Variants in CHN2 observed in about 807,000 individuals in gnomAD.
CHN2 encodes beta-chimaerin.
Under a neutral mutation model 56.3 loss-of-function variants are expected in CHN2, and 35 were observed. The ratio of observed to expected loss-of-function variants is 0.62; its 90% CI spans 0.47 to 0.82. The LOEUF is 0.82. CHN2 is among the 40% of genes least tolerant of loss of function. The pLI is 0.00. For missense variants in CHN2, 491 were observed against 580.5 expected (o/e 0.85, Z 1.58); for synonymous variants, 210 against 212.8 (o/e 0.99, Z 0.12).
intron 2 of CHN2, among the ~76,000 whole-genome samples, chr7:29,176,168 A>C (rs1797305928): frequency 6.6e-6 from 1 of 151,752 alleles, no homozygotes; most frequent in African/African-American, 2.4e-5. Flanking sequence ...CCTAGGCGAC[A>C]GAGCAAGACT....
chr7:29,417,186 A>G (rs1268767563), intron 6 of CHN2, among the ~76,000 whole-genome samples: 2 of 152,216 alleles, frequency 1.3e-5, no homozygotes, highest in Non-Finnish European at 2.9e-5. Context: ...GACTTGCTGC[A>G]GCAAATGGGC....
chr7:29,477,167 C>T (rs1334456718), intron 6 of CHN2, among the ~76,000 whole-genome samples: 1 of 152,044 alleles, frequency 6.6e-6, no homozygotes, highest in Non-Finnish European at 1.5e-5. Flanking sequence ...CTGAGGTCAC[C>T]CACACTGCTC....
chr7:29,301,260 C>T (rs1244675059), intron 1 of CHN2, among the ~76,000 whole-genome samples: 2 of 151,848 alleles, frequency 1.3e-5, no homozygotes, highest in African/African-American at 4.8e-5. Flanking sequence ...GTTTTTCTAG[C>T]AGTTCCTACT....
intron 1 of CHN2, among the ~76,000 whole-genome samples, chr7:29,306,870 T>C (rs990042560): frequency 6.6e-6 from 1 of 152,246 alleles, no homozygotes; most frequent in Non-Finnish European, 1.5e-5. Context: ...GCCAGATTCC[T>C]GTCCTCTAAC....
chr7:29,394,256 T>G (rs1393689007), intron 4 of CHN2, among the ~76,000 whole-genome samples: 2 of 152,230 alleles, frequency 1.3e-5, no homozygotes, highest in Non-Finnish European at 2.9e-5. Flanking sequence ...TTTGTTTCAC[T>G]TTTTCCAAAA....
intron 1 of CHN2, among the ~76,000 whole-genome samples, chr7:29,333,930 C>T (rs1411847572): frequency 6.6e-6 from 1 of 152,116 alleles, no homozygotes; most frequent in Non-Finnish European, 1.5e-5. Context: ...GCATGGAGTC[C>T]TGCAGTTCTG....
At chr7:29,230,541 A>G (rs752254899) in intron 1 of CHN2, among the ~76,000 whole-genome samples, 1 of 152,164 alleles carries the variant, frequency 6.6e-6, no homozygotes, top group Non-Finnish European at 1.5e-5. Context: ...GAGTTTCACC[A>G]TGTTGGCCAG....
At chr7:29,353,359 A>T (rs1461093750) in intron 1 of CHN2, among the ~76,000 whole-genome samples, 1 of 152,266 alleles carries the variant, frequency 6.6e-6, no homozygotes, top group South Asian at 2.1e-4. Context: ...GAATGAGTTC[A>T]GAAAAGTCTA....
At chr7:29,486,214 A>G (rs1228810044) in intron 7 of CHN2, among the ~76,000 whole-genome samples, 1 of 152,178 alleles carries the variant, frequency 6.6e-6, no homozygotes, top group Non-Finnish European at 1.5e-5. Context: ...CAGAAACCCC[A>G]GTGTCTAGAA....
intron 1 of CHN2, among the ~76,000 whole-genome samples, chr7:29,217,981 C>T (rs888384485): frequency 1.3e-5 from 2 of 151,998 alleles, no homozygotes; most frequent in Non-Finnish European, 2.9e-5. Flanking sequence ...AAGACATTCA[C>T]TTTTGCTTAA....
At chr7:29,319,747 G>A (rs905532815) in intron 1 of CHN2, among the ~76,000 whole-genome samples, 2 of 152,108 alleles carry the variant, frequency 1.3e-5, no homozygotes, top group East Asian at 3.9e-4. Context: ...GAGGCTGTCT[G>A]TTCACAATAT....
chr7:29,371,138 G>A (rs1397649937), intron 3 of CHN2, among the ~76,000 whole-genome samples: 1 of 152,208 alleles, frequency 6.6e-6, no homozygotes, highest in Non-Finnish European at 1.5e-5. Context: ...TCAGAAACCT[G>A]TGAAGAACAG....
At chr7:29,395,962 C>T (rs1801702983) in intron 4 of CHN2, among the ~76,000 whole-genome samples, 1 of 152,092 alleles carries the variant, frequency 6.6e-6, no homozygotes, top group Non-Finnish European at 1.5e-5. Flanking sequence ...ATGTTCCTAA[C>T]ATAAACAATA....
chr7:29,361,284 AC>A (rs1346975605), intron 2 of CHN2, among the ~76,000 whole-genome samples: 1 of 152,210 alleles, frequency 6.6e-6, no homozygotes, highest in East Asian at 1.9e-4. Context: ...GCTATAGCTA[AC>A]CTTGAAAATG....
chr7:29,348,567 A>C (rs751186216), intron 1 of CHN2, among the ~76,000 whole-genome samples: 4 of 152,210 alleles, frequency 2.6e-5, no homozygotes, highest in Non-Finnish European at 5.9e-5. Context: ...TTTGTTTCAC[A>C]GAATTTTTAA....
rs181610695 is a variant in CHN2 at position 29,366,054 on chromosome 7, C to A, written c.89-1878C>A. On this transcript the variant is annotated intron_variant, in intron 2 of 12. Coordinates refer to ENST00000222792, the MANE Select transcript of CHN2 (RefSeq NM_004067.4). ...TAGAGAAATAGGATGAATAATGGCTCCTTCACTGATCTCAGAATTCCCAGA... is the reference window on the plus strand; with the variant it reads ...TAGAGAAATAGGATGAATAATGGCTACTTCACTGATCTCAGAATTCCCAGA... 6.2e-4 allele frequency among the ~76,000 whole-genome samples: 95 copies of A among 152,248 alleles called. 1 individual carries two copies. The highest frequency in any genetic ancestry group is 2.1e-3 in the African/African-American group (86 of 41,552).
chr7:29,283,331 C>T (rs778833687), intron 1 of CHN2, among the ~76,000 whole-genome samples: 4 of 152,246 alleles, frequency 2.6e-5, no homozygotes, highest in South Asian at 2.1e-4. Flanking sequence ...AAGCACTGAG[C>T]GGAAAAGCTA....
intron 6 of CHN2, among the ~76,000 whole-genome samples, chr7:29,434,061 C>G (rs541129434): frequency 6.6e-6 from 1 of 152,272 alleles, no homozygotes; most frequent in African/African-American, 2.4e-5. Context: ...TCTTCCTCTC[C>G]TAATTTGTAC....
intron 2 of CHN2, among the ~76,000 whole-genome samples, chr7:29,181,799 A>G (rs1458504752): frequency 6.6e-6 from 1 of 152,214 alleles, no homozygotes; most frequent in African/African-American, 2.4e-5. Flanking sequence ...TTCCACATGA[A>G]TGTTCATATT....
Sources: gnomAD v4.1 joint callset for allele counts (sites outside exome capture counted in the v4.1 genomes callset) on GRCh38, gnomAD v4.1.1 for gene constraint, MANE v1.5 for transcripts, NCBI Gene and HGNC (gene_info 2026-07-23, HGNC 2026-07-21) for gene names.